GTF2F2: variants seen among roughly 807,000 people sequenced by gnomAD.
GTF2F2 encodes general transcription factor IIF subunit 2, also known as ATP-dependent helicase GTF2F2.
In GTF2F2, 23 loss-of-function variants were observed where a neutral mutation model predicts 42.2. The observed-to-expected ratio is 0.55, with a 90% confidence interval of 0.39 to 0.77. The LOEUF (loss-of-function observed/expected upper bound fraction) is 0.77, where lower values mean the gene tolerates loss of function less well. Ranked by LOEUF, GTF2F2 falls within the 30% of genes least tolerant of loss-of-function variation. GTF2F2 has a pLI of 0.00. For missense variants in GTF2F2, 261 were observed against 287.2 expected, an observed-to-expected ratio of 0.91 and a Z score of 0.66; for synonymous variants, 105 against 100.8, an observed-to-expected ratio of 1.04 and a Z score of -0.25.
At chr13:45,183,896 C>G (rs933439520) in intron 4 of GTF2F2, among the ~76,000 whole-genome samples, 2 of 151,826 alleles carry the variant, frequency 1.3e-5, no homozygotes, top group Non-Finnish European at 2.9e-5. Flanking sequence ...TTCTTGGTCA[C>G]CCAGGCTAGG....
chr13:45,125,881 T>C (rs947918094), intron 1 of GTF2F2, among the ~76,000 whole-genome samples: 4 of 152,050 alleles, frequency 2.6e-5, no homozygotes, highest in Non-Finnish European at 5.9e-5. Flanking sequence ...TGTAAGGCAG[T>C]CTCAGTGAAA....
intron 5 of GTF2F2, among the ~76,000 whole-genome samples, chr13:45,208,716 AATTAG>A (rs1873517629): frequency 1.3e-5 from 2 of 152,172 alleles, no homozygotes; most frequent in Non-Finnish European, 2.9e-5. Context: ...TTCTTTTGTC[AATTAG>A]ATTAGACTGT....
chr13:45,185,451 A>G (rs564058264), intron 4 of GTF2F2, among the ~76,000 whole-genome samples: 1 of 151,646 alleles, frequency 6.6e-6, no homozygotes, highest in Admixed American at 6.5e-5. Context: ...TTGTAAGCAC[A>G]TGTAGACTTA....
chr13:45,258,900 A>G (rs1337475577), intron 6 of GTF2F2, among the ~76,000 whole-genome samples: 1 of 152,184 alleles, frequency 6.6e-6, no homozygotes, highest in Non-Finnish European at 1.5e-5. Flanking sequence ...GGTTCTTTGC[A>G]ACTCCCTCCA....
intron 2 of GTF2F2, among the ~76,000 whole-genome samples, chr13:45,145,576 A>G (rs1870151081): frequency 1.3e-5 from 2 of 152,240 alleles, no homozygotes; most frequent in African/African-American, 4.8e-5. Flanking sequence ...ATATATTGAA[A>G]TGAGTTTGCA....
chr13:45,239,495 A>G (rs1470829705), intron 5 of GTF2F2, among the ~76,000 whole-genome samples: 1 of 152,248 alleles, frequency 6.6e-6, no homozygotes, highest in Non-Finnish European at 1.5e-5. Context: ...ATTTAAAAAA[A>G]TAAAACAAGA....
Position 45,283,780 on chromosome 13 carries a change from A to G in GTF2F2, c.*219A>G. 7.6e-6 allele frequency: 2 copies of G among 264,528 alleles called. No homozygotes were observed. The highest frequency in any genetic ancestry group is 1.4e-5 in the Non-Finnish European group (2 of 139,470). 16.4% of individuals were successfully genotyped at this position (264,528 alleles called of 1,614,324 possible). On this transcript the variant is annotated 3_prime_UTR_variant, in exon 8 of 8. Coordinates refer to ENST00000340473, the MANE Select transcript of GTF2F2 (RefSeq NM_004128.3). Reference sequence around the variant, plus strand: ...TATTTATAGACTTAACTTGTATTAAACCAGATTATTCACAGTAGGAATAGG... The same window carrying G: ...TATTTATAGACTTAACTTGTATTAAGCCAGATTATTCACAGTAGGAATAGG...
chr13:45,194,183 T>G (rs1566130531), intron 4 of GTF2F2: 13 of 1,614,178 alleles, frequency 8.1e-6, no homozygotes, highest in Non-Finnish European at 1.0e-5. Flanking sequence ...TTCTCCCACC[T>G]GGATTTCACT....
At chr13:45,203,785 G>A (rs1566134200) in intron 4 of GTF2F2, among the ~76,000 whole-genome samples, 1 of 152,116 alleles carries the variant, frequency 6.6e-6, no homozygotes, top group Non-Finnish European at 1.5e-5. Context: ...ATATTTAATA[G>A]CAGGCAGTTG....
chr13:45,208,797 G>A (rs1410631844), intron 5 of GTF2F2, among the ~76,000 whole-genome samples: 1 of 151,866 alleles, frequency 6.6e-6, no homozygotes. Context: ...GTGTCCTTGG[G>A]GCAAATAAAA....
intron 5 of GTF2F2, among the ~76,000 whole-genome samples, chr13:45,250,812 C>T (rs893938027): frequency 8.5e-5 from 13 of 152,162 alleles, no homozygotes; most frequent in African/African-American, 2.7e-4. Flanking sequence ...TTGGGTTGCA[C>T]ATCTCCCTTC....
chr13:45,198,330 A>G (rs1039152490), intron 4 of GTF2F2, among the ~76,000 whole-genome samples: 3 of 152,190 alleles, frequency 2.0e-5, no homozygotes, highest in Non-Finnish European at 2.9e-5. Context: ...TGCTCCATTT[A>G]TATGCCAGAG....
intron 4 of GTF2F2, among the ~76,000 whole-genome samples, chr13:45,160,819 C>A (rs1871002674): frequency 6.8e-6 from 1 of 147,820 alleles, no homozygotes; most frequent in South Asian, 2.1e-4. Context: ...GAAAAAATAT[C>A]TTTCAGATAC....
intron 4 of GTF2F2, among the ~76,000 whole-genome samples, chr13:45,157,738 A>C (rs1005535269): frequency 6.6e-6 from 1 of 151,806 alleles, no homozygotes; most frequent in Admixed American, 6.6e-5. Flanking sequence ...ATGCCTGGCT[A>C]GTTTTTTATT....
intron 2 of GTF2F2, among the ~76,000 whole-genome samples, chr13:45,141,012 A>G (rs1169234279): frequency 6.6e-6 from 1 of 152,252 alleles, no homozygotes; most frequent in Non-Finnish European, 1.5e-5. Flanking sequence ...GGATGTTTAT[A>G]AAACATTAAA....
chr13:45,262,797 A>G (rs1480827419), intron 6 of GTF2F2, among the ~76,000 whole-genome samples: 1 of 151,868 alleles, frequency 6.6e-6, no homozygotes, highest in Non-Finnish European at 1.5e-5. Context: ...GCTGGAGTGC[A>G]TGAGTGGCAT....
chr13:45,138,125 G>A (rs553341995), intron 2 of GTF2F2, among the ~76,000 whole-genome samples: 8 of 151,844 alleles, frequency 5.3e-5, no homozygotes, highest in African/African-American at 1.2e-4. Flanking sequence ...TTCTCCTCTC[G>A]CCTCATTGGC....
At chr13:45,181,027 T>C (rs557527387) in intron 4 of GTF2F2, among the ~76,000 whole-genome samples, 19 of 151,664 alleles carry the variant, frequency 1.3e-4, no homozygotes, top group Non-Finnish European at 2.5e-4. Context: ...CCAGGCATAG[T>C]GGTACGTGCC....
chr13:45,234,773 C>T lies in GTF2F2; in HGVS notation c.387-18098C>T, dbSNP rs1202867533. Among the ~76,000 whole-genome samples the T allele has an allele frequency of 3.3e-5, 5 of 151,948 alleles. No individual in the cohort carries two copies. In the South Asian group the frequency reaches 6.2e-4, roughly 19 times the overall value. On this transcript the variant is annotated intron_variant, in intron 5 of 7. Transcript: ENST00000340473. Reference sequence around the variant, plus strand: ...TTACAAAAAGATGGTCATGCCAGTGCGGTGGCTCATGCCTGTAATTCCAGC... The same window carrying T: ...TTACAAAAAGATGGTCATGCCAGTGTGGTGGCTCATGCCTGTAATTCCAGC...
Sources: gnomAD v4.1 joint callset for allele counts (sites outside exome capture counted in the v4.1 genomes callset) on GRCh38, gnomAD v4.1.1 for gene constraint, MANE v1.5 for transcripts, NCBI Gene and HGNC (gene_info 2026-07-23, HGNC 2026-07-21) for gene names.